TEK: variants seen among roughly 807,000 people sequenced by gnomAD.
TEK encodes the protein angiopoietin-1 receptor.
Under a neutral mutation model 131.8 loss-of-function variants are expected in TEK, and 43 were observed. The observed-to-expected ratio is 0.33, with a 90% CI of 0.26 to 0.42. The LOEUF (loss-of-function observed/expected upper bound fraction) is 0.42, where lower values mean the gene tolerates loss of function less well. Among genes scored for constraint, TEK ranks in the 10% least tolerant of loss-of-function variants. TEK has a pLI of 1.00. For synonymous variants in TEK, 580 were observed against 491.6 expected (o/e 1.18, Z -2.38); for missense variants, 1,162 against 1,384.4 (o/e 0.84, Z 2.55).
chr9:27,197,025 T>C (rs1257377571), intron 11 of TEK, among the ~76,000 whole-genome samples: 1 of 94,872 alleles, frequency 1.1e-5, no homozygotes, highest in Non-Finnish European at 2.0e-5. Context: ...CCCCCGGCAA[T>C]TGAACAATGA....
At chr9:27,205,906 A>G (rs1825382131) in intron 14 of TEK, among the ~76,000 whole-genome samples, 1 of 152,200 alleles carries the variant, frequency 6.6e-6, no homozygotes, top group Non-Finnish European at 1.5e-5. Context: ...ATCTGACTCC[A>G]TGCCAGAGCT....
intron 1 of TEK, among the ~76,000 whole-genome samples, chr9:27,118,296 G>A (rs1393774757): frequency 6.6e-6 from 1 of 151,980 alleles, no homozygotes; most frequent in East Asian, 1.9e-4. Flanking sequence ...TAATAGACAG[G>A]GAAACCAAGG....
intron 11 of TEK, among the ~76,000 whole-genome samples, chr9:27,196,782 T>TG (rs962765855): frequency 1.3e-5 from 2 of 150,452 alleles, no homozygotes; most frequent in African/African-American, 4.9e-5. Flanking sequence ...TTTTTTTTTT[T>TG]TTTACTGTTT....
intron 7 of TEK, 86 bp from the exon 8 acceptor site, chr9:27,183,373 A>G: frequency 6.9e-7 from 1 of 1,458,052 alleles, no homozygotes. Flanking sequence ...CCGGTGCATG[A>G]CTTACTAAAG....
intron 1 of TEK, among the ~76,000 whole-genome samples, chr9:27,119,335 A>T (rs1821693777): frequency 6.6e-6 from 1 of 152,248 alleles, no homozygotes; most frequent in Non-Finnish European, 1.5e-5. Flanking sequence ...AAAATAACTT[A>T]AAAATACTTA....
chr9:27,220,448 C>G (rs1826016311), intron 21 of TEK, among the ~76,000 whole-genome samples: 1 of 150,930 alleles, frequency 6.6e-6, no homozygotes, highest in African/African-American at 2.4e-5. Flanking sequence ...CAACACTATC[C>G]TTGGGGATAA....
chr9:27,143,938 G>C (rs1174023089), intron 1 of TEK, among the ~76,000 whole-genome samples: 1 of 152,180 alleles, frequency 6.6e-6, no homozygotes, highest in Non-Finnish European at 1.5e-5. Context: ...AATGTGGAGA[G>C]AAGAGAAGTG....
At chr9:27,206,889 G>C in intron 15 of TEK, 97 bp downstream of exon 15, 1 of 1,401,338 alleles carries the variant, frequency 7.1e-7, no homozygotes, top group East Asian at 2.4e-5. Context: ...CAAAAAATTG[G>C]CATGGTATCA....
intron 21 of TEK, among the ~76,000 whole-genome samples, chr9:27,227,551 A>G (rs1282388784): frequency 6.6e-6 from 1 of 152,186 alleles, no homozygotes; most frequent in African/African-American, 2.4e-5. Flanking sequence ...TTTGGTGGCC[A>G]TGAGCCATTT....
intron 3 of TEK, among the ~76,000 whole-genome samples, chr9:27,169,252 TGGTG>T (rs1306004914): frequency 5.3e-5 from 8 of 152,228 alleles, no homozygotes; most frequent in Admixed American, 3.3e-4. Context: ...TTCATGTGTT[TGGTG>T]GTAGATCCCA....
At chr9:27,114,783 TA>T (rs1466017643) in intron 1 of TEK, among the ~76,000 whole-genome samples, 6 of 152,184 alleles carry the variant, frequency 3.9e-5, no homozygotes, top group Non-Finnish European at 8.8e-5. Context: ...GATATACTCA[TA>T]AAAGTGGTTC....
In TEK at chr9:27,158,035, T is replaced by G; in HGVS notation, c.257T>G (p.Val86Gly). 6.2e-7 allele frequency: 1 copy of G among 1,613,958 alleles called. No individual in the cohort carries two copies. Among genetic ancestry groups the G allele is most frequent in the Non-Finnish European group, 8.5e-7 (1 of 1,179,992 alleles). ...QDVTREWAKK[V>G]VWKREKASKI... ...GTGACCAGAGAATGGGCTAAAAAAG[T>G]TGTTTGGAAGAGAGAAAAGGCTAGT... The change falls in exon 2 of 23, where the codon GTT becomes GGT. Residue 86 changes from valine (V) to glycine (G), a missense_variant. Coordinates refer to ENST00000380036, the MANE Select transcript of TEK (RefSeq NM_000459.5).
intron 19 of TEK, among the ~76,000 whole-genome samples, 199 bp downstream of exon 19, chr9:27,217,957 T>C (rs1825879419): frequency 6.6e-6 from 1 of 152,066 alleles, no homozygotes; most frequent in South Asian, 2.1e-4. Context: ...TGTGGCAGGT[T>C]TTGGGTTTCC....
chr9:27,222,890 G>A (rs1448116676), intron 21 of TEK, among the ~76,000 whole-genome samples: 5 of 151,892 alleles, frequency 3.3e-5, no homozygotes. Flanking sequence ...AACGTGCAAA[G>A]ATACACATAG....
intron 7 of TEK, 21 bp downstream of exon 7, chr9:27,180,389 A>G: frequency 6.2e-7 from 1 of 1,608,820 alleles, no homozygotes; most frequent in Non-Finnish European, 8.5e-7. Flanking sequence ...GTAACACTGT[A>G]GTCAGGGCCA....
At chr9:27,129,082 T>C (rs1216232986) in intron 1 of TEK, among the ~76,000 whole-genome samples, 1 of 152,232 alleles carries the variant, frequency 6.6e-6, no homozygotes, top group Non-Finnish European at 1.5e-5. Flanking sequence ...TTCCAGTTTT[T>C]GCCCCTTCAT....
Position 27,210,354 on chromosome 9 carries a change from A to ACTTT in TEK, c.2686+1126_2686+1129dup, listed in dbSNP as rs140705099. 29 of 157,064 alleles carry ACTTT rather than the reference A, an allele frequency of 1.8e-4. No homozygotes were observed. The East Asian group carries it at 5.2e-3, about 28-fold the overall frequency. The allele number at this position is 157,064 out of a possible 1,614,324, so 9.7% of individuals were successfully genotyped here. A position where few individuals can be genotyped will look rare whatever the true frequency, so the allele number is the denominator to read the frequency against. On this transcript the variant is annotated intron_variant, in intron 16 of 22. Transcript: ENST00000380036. ...GGTGAGTGTTCTTAAAACCCGCCTG[A>ACTTT]CTTTCTGTACAAACCCTACAAATGA...
intron 18 of TEK, among the ~76,000 whole-genome samples, chr9:27,215,314 G>A (rs1825779588): frequency 7.1e-6 from 1 of 141,630 alleles, no homozygotes; most frequent in African/African-American, 2.7e-5. Context: ...GAAAGGGCCA[G>A]GTTTGAGGGA....
At chr9:27,197,229 C>A (rs1825059813) in intron 11 of TEK, 86 bp from the exon 12 acceptor site, 4 of 1,455,324 alleles carry the variant, frequency 2.7e-6, no homozygotes, top group Non-Finnish European at 3.8e-6. Flanking sequence ...CTGGGGATTA[C>A]ATTTCAGTAT....
Sources: allele counts gnomAD v4.1 joint callset (sites outside exome capture counted in the v4.1 genomes callset), GRCh38; gene constraint gnomAD v4.1.1; transcripts MANE v1.5; gene names NCBI Gene and HGNC (gene_info 2026-07-23, HGNC 2026-07-21).